GATAD2A: variants seen among roughly 807,000 people sequenced by gnomAD.
The protein encoded by GATAD2A is transcriptional repressor p66-alpha.
A neutral mutation model predicts 68.5 loss-of-function variants in GATAD2A; 12 were observed. The ratio of observed to expected loss-of-function variants is 0.18; its 90% CI spans 0.11 to 0.28. The LOEUF is 0.28. GATAD2A is among the 10% of genes least tolerant of loss of function. GATAD2A has a pLI of 1.00. For missense variants in GATAD2A, 755 were observed against 868.5 expected (o/e 0.87, Z 1.64); for synonymous variants, 410 against 375.3 (o/e 1.09, Z -1.07).
At chr19:19,455,253 G>GC (rs1429996301) in intron 1 of GATAD2A, among the ~76,000 whole-genome samples, 2 of 152,160 alleles carry the variant, frequency 1.3e-5, no homozygotes, top group African/African-American at 4.8e-5. Flanking sequence ...ACTTTGGGAA[G>GC]CCGAGGCAGG....
At chr19:19,478,711 A>G (rs1283456769) in intron 2 of GATAD2A, among the ~76,000 whole-genome samples, 2 of 151,994 alleles carry the variant, frequency 1.3e-5, no homozygotes, top group African/African-American at 2.4e-5. Context: ...TCGGGAAGCT[A>G]AGGTAGGAGA....
chr19:19,463,199 G>A (rs1419682170), intron 1 of GATAD2A, among the ~76,000 whole-genome samples: 2 of 152,108 alleles, frequency 1.3e-5, no homozygotes, highest in Non-Finnish European at 2.9e-5. Context: ...CTAAGGCAGT[G>A]CTTGAAGGAG....
chr19:19,392,499 T>A (rs1198361088), intron 1 of GATAD2A, among the ~76,000 whole-genome samples: 3 of 150,424 alleles, frequency 2.0e-5, no homozygotes, highest in African/African-American at 7.4e-5. Flanking sequence ...TTCAAGCAAT[T>A]CTCTGTCTTA....
intron 1 of GATAD2A, among the ~76,000 whole-genome samples, chr19:19,429,513 C>G (rs1175873636): frequency 1.4e-4 from 21 of 151,998 alleles, no homozygotes; most frequent in Admixed American, 1.4e-3. Flanking sequence ...TGCTCTGACG[C>G]TGGGTGGACC....
At position 19,502,447 on chromosome 19, in the gene GATAD2A, C is replaced by T. The variant is rs754320552; in HGVS notation, c.1695C>T (p.Thr565=). 6.8e-6 allele frequency: 11 copies of T among 1,613,668 alleles called. No individual in the cohort carries two copies. The highest frequency in any genetic ancestry group is 5.5e-5 in the South Asian group (5 of 91,084). The change falls in exon 11 of 12, where the codon ACC becomes ACT. Residue 565 remains threonine, a synonymous_variant. Transcript: ENST00000683918. ...CGGCCACAGCCCTGGTCAGCAGGAC[C>T]GGCAGACATTCTGAGAGAACCGTGA... is the stretch of plus-strand genomic sequence containing the variant. ...SASATALVSR[T]GRHSERTVSA... is the part of the protein sequence containing the mutation.
chr19:19,487,193 A>T lies in GATAD2A; in HGVS notation c.270-5113A>T, dbSNP rs150868439. ...CCCCCTTCTCTGGGGCTGTGGTATC[A>T]CCCCAGGGCTGGATACCCCCTTGCC... On this transcript the variant is annotated intron_variant, in intron 2 of 11. Coordinates refer to ENST00000683918, the MANE Select transcript of GATAD2A (RefSeq NM_001384528.1). 5.8e-4 allele frequency among the ~76,000 whole-genome samples: 88 copies of T among 152,206 alleles called. 1 individual carries two copies. In the East Asian group the frequency reaches 0.017, roughly 29 times the overall value.
chr19:19,493,143 A>T (rs532109825), intron 4 of GATAD2A, among the ~76,000 whole-genome samples: 2 of 152,200 alleles, frequency 1.3e-5, no homozygotes, highest in East Asian at 3.9e-4. Context: ...GTTTCACCAC[A>T]TTGGCCAGGA....
At chr19:19,422,779 T>A (rs1412144105) in intron 1 of GATAD2A, among the ~76,000 whole-genome samples, 1 of 151,714 alleles carries the variant, frequency 6.6e-6, no homozygotes, top group African/African-American at 2.4e-5. Context: ...TGACGCGATC[T>A]TGGCTCACTG....
intron 2 of GATAD2A, among the ~76,000 whole-genome samples, chr19:19,488,693 A>G (rs2148347856): frequency 6.6e-6 from 1 of 152,240 alleles, no homozygotes; most frequent in East Asian, 1.9e-4. Context: ...CCAGCGGGTC[A>G]GGGAGTGGGG....
At chr19:19,421,367 A>G (rs1600080058) in intron 1 of GATAD2A, among the ~76,000 whole-genome samples, 1 of 151,816 alleles carries the variant, frequency 6.6e-6, no homozygotes, top group African/African-American at 2.4e-5. Flanking sequence ...GCCCCTCCTC[A>G]CCCCTTCTGG....
intron 1 of GATAD2A, among the ~76,000 whole-genome samples, chr19:19,448,673 A>G (rs912719140): frequency 6.6e-6 from 1 of 152,024 alleles, no homozygotes; most frequent in African/African-American, 2.4e-5. Context: ...TTTTTTTTGT[A>G]GAGATGGGGT....
intron 1 of GATAD2A, among the ~76,000 whole-genome samples, chr19:19,460,259 G>T (rs2057311066): frequency 6.6e-6 from 1 of 152,218 alleles, no homozygotes; most frequent in Non-Finnish European, 1.5e-5. Flanking sequence ...GTAGACAGGG[G>T]TTCTGGGTCC....
At chr19:19,484,813 G>A (rs949119700) in intron 2 of GATAD2A, among the ~76,000 whole-genome samples, 12 of 152,126 alleles carry the variant, frequency 7.9e-5, no homozygotes, top group African/African-American at 1.4e-4. Context: ...GATTACAGGC[G>A]TGAGCCACCG....
Position 19,506,237 on chromosome 19 carries a change from A to G in GATAD2A, c.*763A>G, listed in dbSNP as rs1336723883. The stretch of plus-strand genomic sequence containing the variant: ...AGACCCCCGCCCCCGCACCTTCCAG[A>G]CTTAGCAGAAGAACAAACTGAAGAA... On this transcript the variant is annotated 3_prime_UTR_variant, in exon 12 of 12. Transcript: ENST00000683918. 7.5e-6 allele frequency: 3 copies of G among 398,494 alleles called. No homozygotes were observed. The highest frequency in any genetic ancestry group is 2.1e-5 in the African/African-American group (1 of 48,610). 24.7% of individuals were successfully genotyped at this position (398,494 alleles called of 1,614,324 possible).
At chr19:19,484,211 C>T (rs896379945) in intron 2 of GATAD2A, among the ~76,000 whole-genome samples, 3 of 152,146 alleles carry the variant, frequency 2.0e-5, no homozygotes, top group South Asian at 4.1e-4. Context: ...GAGCCATGAT[C>T]GTGCCACTGT....
chr19:19,457,120 A>C, intron 1 of GATAD2A: 4 of 985,458 alleles, frequency 4.1e-6, no homozygotes, highest in Non-Finnish European at 4.8e-6. Context: ...CTGCCCACGC[A>C]TCCAGTATGT....
Position 19,501,998 on chromosome 19 carries a change from C to G in GATAD2A, c.1533C>G (p.Phe511Leu). The G allele has an allele frequency of 6.2e-7, 1 of 1,614,040 alleles. No homozygotes were observed. Among genetic ancestry groups the G allele is most frequent in the Non-Finnish European group, 8.5e-7 (1 of 1,179,950 alleles). ...TAAAACCCCGGCGTAAGTTGGCGTT[C>G]CGCTCAGGAGAGGCCCGCGACTGGA... ...QVIKPRRKLA[F>L]RSGEARDWSN... Residue 511 changes from phenylalanine to leucine, a missense_variant, in exon 10 of 12, where the codon TTC becomes TTG. Physicochemically the swap from Phe to Leu is conservative, Grantham distance 22. Transcript: ENST00000683918.
chr19:19,439,888 ATG>A (rs1328902810), intron 1 of GATAD2A, among the ~76,000 whole-genome samples: 1 of 152,068 alleles, frequency 6.6e-6, no homozygotes, highest in Non-Finnish European at 1.5e-5. Context: ...GCAAAAAGAC[ATG>A]TGTTTACTCT....
At chr19:19,442,171 T>G (rs925290550) in intron 1 of GATAD2A, among the ~76,000 whole-genome samples, 6 of 152,086 alleles carry the variant, frequency 3.9e-5, no homozygotes, top group Admixed American at 2.0e-4. Context: ...AGACCTGAAG[T>G]ACTTTAAGTA....
Sources: gnomAD v4.1 joint callset for allele counts (sites outside exome capture counted in the v4.1 genomes callset) on GRCh38, gnomAD v4.1.1 for gene constraint, MANE v1.5 for transcripts, NCBI Gene and HGNC (gene_info 2026-07-23, HGNC 2026-07-21) for gene names.